The following LANCL1 variants were observed in gnomAD, a reference collection of about 807,000 sequenced individuals.
The protein encoded by LANCL1 is glutathione S-transferase LANCL1.
LANCL1 carries 50 observed loss-of-function variants against 50.6 expected under a neutral mutation model. The ratio of observed to expected loss-of-function variants is 0.99; its 90% confidence interval spans 0.79 to 1.25. The LOEUF (loss-of-function observed/expected upper bound fraction) is 1.25, where lower values mean the gene tolerates loss of function less well. LANCL1 is among the 50% of genes most tolerant of loss of function. The pLI, the probability that LANCL1 is intolerant of heterozygous loss-of-function variation, is 0.00. For missense variants in LANCL1, 532 were observed against 480.7 expected (o/e 1.11, Z -1.00); for synonymous variants, 188 against 178.6 (o/e 1.05, Z -0.42).
At position 210,451,851 on chromosome 2, in the gene LANCL1, T is replaced by C. The variant is rs114396937; in HGVS notation, c.407+3256A>G. ...CATATAATGGAATATTATTCAGTCATTGAAAGGAACAAAGTTTTGATACAT... is the reference window on the plus strand; with the variant it reads ...CATATAATGGAATATTATTCAGTCACTGAAAGGAACAAAGTTTTGATACAT... On this transcript the variant is annotated intron_variant, in intron 4 of 9. Transcript: ENST00000450366. 2.4e-3 allele frequency among the ~76,000 whole-genome samples: 366 copies of C among 152,294 alleles called. 1 individual carries two copies. Among genetic ancestry groups the C allele is most frequent in the African/African-American group, 8.3e-3 (343 of 41,570 alleles).
At chr2:210,441,492 T>G in intron 4 of LANCL1, 49 bp from the exon 5 acceptor site, 2 of 1,507,658 alleles carry the variant, frequency 1.3e-6, no homozygotes, top group Non-Finnish European at 1.8e-6. Flanking sequence ...AACCAGGTAT[T>G]GGTGTATACT....
At position 210,437,772 on chromosome 2, in the gene LANCL1, C is replaced by T. The variant is rs1300263639; in HGVS notation, c.791G>A (p.Cys264Tyr). ...AAGCAGATCTCGATTATCACCTATA[C>T]ATGGAGGGTAATTGCCAGAAGGGAA... ...LKFPSGNYPP[C>Y]IGDNRDLLVH... The change falls in exon 7 of 10, where the codon TGT becomes TAT. Residue 264 changes from cysteine (C) to tyrosine (Y), a missense_variant. Transcript: ENST00000450366. 1 of 1,613,304 alleles carries T rather than the reference C, an allele frequency of 6.2e-7. No individual in the cohort carries two copies. Among genetic ancestry groups the T allele is most frequent in the African/African-American group, 1.3e-5 (1 of 74,912 alleles).
intron 4 of LANCL1, among the ~76,000 whole-genome samples, chr2:210,454,733 T>A (rs1297930006): frequency 6.6e-6 from 1 of 152,160 alleles, no homozygotes; most frequent in East Asian, 1.9e-4. Flanking sequence ...AGAAAGGCCG[T>A]TTTGAATCAG....
chr2:210,435,963 G>T (rs1354353238), intron 8 of LANCL1, among the ~76,000 whole-genome samples: 2 of 128,326 alleles, frequency 1.6e-5, no homozygotes, highest in African/African-American at 5.9e-5. Flanking sequence ...GTACAATGGT[G>T]TGATCTTGGC....
At chr2:210,434,848 A>T (rs1157330236) in intron 9 of LANCL1, among the ~76,000 whole-genome samples, 1 of 152,056 alleles carries the variant, frequency 6.6e-6, no homozygotes, top group Non-Finnish European at 1.5e-5. Flanking sequence ...CAACTCTGCA[A>T]AAACGAAGGA....
At chr2:210,470,313 C>T (rs141467781) in intron 3 of LANCL1, among the ~76,000 whole-genome samples, 3 of 152,122 alleles carry the variant, frequency 2.0e-5, no homozygotes, top group African/African-American at 7.2e-5. Flanking sequence ...AATGATAAAA[C>T]AATAAAATGG....
chr2:210,434,625 CT>C (rs1692855847), intron 9 of LANCL1, 62 bp from the exon 10 acceptor site: 4 of 1,302,774 alleles, frequency 3.1e-6, no homozygotes, highest in South Asian at 1.2e-5. Flanking sequence ...TAGGATGGTT[CT>C]TTTTCCCCCA....
At position 210,445,209 on chromosome 2, in the gene LANCL1, G is replaced by T. The variant is rs191015502; in HGVS notation, c.408-3766C>A. 2.0e-5 allele frequency among the ~76,000 whole-genome samples: 3 copies of T among 152,062 alleles called. No individual in the cohort carries two copies. The East Asian group carries it at 5.8e-4, about 29-fold the overall frequency. ...TACTGTTCTATGGAAGTATTACACC[G>T]AATTACTGCATTGATTCCAATGATA... On this transcript the variant is annotated intron_variant, in intron 4 of 9. Coordinates refer to ENST00000450366, the MANE Select transcript of LANCL1 (RefSeq NM_006055.3).
intron 3 of LANCL1, 32 bp from the exon 4 acceptor site, chr2:210,455,346 T>G (rs754758766): frequency 8.4e-6 from 13 of 1,548,808 alleles, no homozygotes; most frequent in Non-Finnish European, 1.1e-5. Context: ...AATGTAAAGA[T>G]GAGGAAAGGC....
rs1431194660 is a variant in LANCL1 at position 210,455,178 on chromosome 2, G to A, written c.336C>T (p.Gly112=). The part of the protein sequence containing the change: ...RSITFLCGDA[G]PLAVAAVLYH... ...ATAGCACAGCGGCCACTGCCAGGGG[G>A]CCTGCATCCCCACAAAGGAAGGTGA... The change falls in exon 4 of 10, where the codon GGC becomes GGT. Residue 112 remains glycine, a synonymous_variant. Transcript: ENST00000450366. The A allele has an allele frequency of 1.9e-5, 31 of 1,613,576 alleles. No individual in the cohort carries two copies. The highest frequency in any genetic ancestry group is 2.6e-5 in the Non-Finnish European group (31 of 1,179,762).
intron 6 of LANCL1, among the ~76,000 whole-genome samples, 163 bp from the exon 7 acceptor site, chr2:210,438,035 A>C (rs1304888558): frequency 6.6e-6 from 1 of 152,120 alleles, no homozygotes; most frequent in Non-Finnish European, 1.5e-5. Flanking sequence ...CCTTTATTTT[A>C]AGCTTTTGTG....
chr2:210,462,954 T>C (rs1170689158), intron 3 of LANCL1, among the ~76,000 whole-genome samples: 2 of 152,174 alleles, frequency 1.3e-5, no homozygotes, highest in Non-Finnish European at 2.9e-5. Flanking sequence ...AACTACTCCA[T>C]CTTATAGCTT....
rs1692831812 is a variant in LANCL1, at chr2:210,433,929, T to A, written c.*558A>T. 6.6e-6 allele frequency: 1 copy of A among 152,202 alleles called. No individual in the cohort carries two copies. The allele number at this position is 152,202 out of a possible 1,614,324, so 9.4% of individuals were successfully genotyped here. ...AAATAGGCATCAAGAATTTAAAAAA[T>A]GATATTTAGGTACCAAGTCCAGATT... is the stretch of plus-strand genomic sequence containing the variant. On this transcript the variant is annotated 3_prime_UTR_variant, in exon 10 of 10. Transcript: ENST00000450366.
At chr2:210,440,025 A>T (rs1693076911) in intron 6 of LANCL1, among the ~76,000 whole-genome samples, 1 of 152,132 alleles carries the variant, frequency 6.6e-6, no homozygotes, top group African/African-American at 2.4e-5. Context: ...TGCTGCAGTA[A>T]ATTCTATCTG....
At chr2:210,444,977 T>G (rs557434822) in intron 4 of LANCL1, among the ~76,000 whole-genome samples, 1 of 152,068 alleles carries the variant, frequency 6.6e-6, no homozygotes, top group African/African-American at 2.4e-5. Flanking sequence ...CTCAGTAACG[T>G]TGGGGCCATA....
chr2:210,446,994 C>G (rs190518561), intron 4 of LANCL1, among the ~76,000 whole-genome samples: 7 of 152,036 alleles, frequency 4.6e-5, no homozygotes, highest in African/African-American at 1.7e-4. Context: ...ATTCAGGAAA[C>G]AGAAAGCACC....
chr2:210,438,784 T>C (rs545391127), intron 6 of LANCL1, among the ~76,000 whole-genome samples: 48 of 152,340 alleles, frequency 3.2e-4, no homozygotes, highest in Non-Finnish European at 5.4e-4. Flanking sequence ...TACAGATCCA[T>C]AGGACATACT....
At chr2:210,471,757 G>A (rs1159984155) in intron 3 of LANCL1, 4 of 744,698 alleles carry the variant, frequency 5.4e-6, no homozygotes, top group Non-Finnish European at 7.4e-6. Flanking sequence ...TGCTTACCAT[G>A]CCCTAAATTC....
At chr2:210,445,355 A>G (rs1468157491) in intron 4 of LANCL1, among the ~76,000 whole-genome samples, 2 of 152,206 alleles carry the variant, frequency 1.3e-5, no homozygotes, top group Non-Finnish European at 2.9e-5. Context: ...CTTTGCAGCC[A>G]AACACATTTG....
Sources: gnomAD v4.1 joint callset for allele counts (sites outside exome capture counted in the v4.1 genomes callset) on GRCh38, gnomAD v4.1.1 for gene constraint, MANE v1.5 for transcripts, NCBI Gene and HGNC (gene_info 2026-07-23, HGNC 2026-07-21) for gene names.